SYNJ2: variants seen among roughly 807,000 people sequenced by gnomAD.
SYNJ2 encodes polyphosphatidylinositol phosphatase SYNJ2.
A neutral mutation model predicts 141.3 loss-of-function variants in SYNJ2; 116 were observed. The observed-to-expected ratio is 0.82, with a 90% CI of 0.71 to 0.96. The LOEUF (loss-of-function observed/expected upper bound fraction) is 0.96. SYNJ2 is among the 40% of genes least tolerant of loss of function. SYNJ2 has a pLI of 0.00. For missense variants in SYNJ2, 1,873 were observed against 1,934.8 expected (o/e 0.97, Z 0.60); for synonymous variants, 745 against 777.7 (o/e 0.96, Z 0.70).
In SYNJ2 at chr6:158,083,403, C is replaced by T. The variant is rs367560520; in HGVS notation, c.2866-26C>T. 1.9e-6 allele frequency: 3 copies of T among 1,606,758 alleles called. No homozygotes were observed. The African/African-American group carries it at 4.0e-5, about 22-fold the overall frequency. The stretch of plus-strand genomic sequence containing the variant: ...GGAGGGGTCATGATTTTTATTTATT[C>T]CTGGGTGGCCGCTCTGCCCTCCCAG... On this transcript the variant is annotated intron_variant, in intron 20 of 26. Transcript: ENST00000355585.
At chr6:158,049,621 G>C (rs1196310410) in intron 5 of SYNJ2, among the ~76,000 whole-genome samples, 2 of 152,224 alleles carry the variant, frequency 1.3e-5, no homozygotes, top group Non-Finnish European at 2.9e-5. Context: ...TTAGGGGATG[G>C]AGGGACCCAG....
rs951729369 is a variant in SYNJ2, at chr6:158,076,644, G to A, written c.2311G>A (p.Glu771Lys). 8.1e-6 allele frequency: 13 copies of A among 1,613,232 alleles called. No homozygotes were observed. Among genetic ancestry groups the A allele is most frequent in the Middle Eastern group, 1.6e-4 (1 of 6,080 alleles). The change falls in exon 17 of 27, where the codon GAA becomes AAA. Residue 771 changes from glutamate to lysine, a missense_variant. By Grantham distance (56) the Glu-to-Lys change is moderately conservative. Transcript: ENST00000355585. The stretch of plus-strand genomic sequence containing the variant: ...CCAATAGATTTTTAAGGACTTTCAC[G>A]AAGGAGCCATTAACTTTGGACCCAC... ...SSGKIFKDFHEGAINFGPTYK... is the reference protein window; with the variant it reads ...SSGKIFKDFHKGAINFGPTYK...
In SYNJ2 at chr6:158,083,872, GCCTGGGC is replaced by G. The variant is rs567978447; in HGVS notation, c.3035-124_3035-118del. The G allele has an allele frequency of 3.0e-3, 3,406 of 1,133,476 alleles. 94 individuals carry two copies. In the South Asian group the frequency reaches 0.038, roughly 13 times the overall value. 70.2% of individuals were successfully genotyped at this position (1,133,476 alleles called of 1,614,324 possible). A position where few individuals can be genotyped will look rare whatever the true frequency, so the allele number is the denominator to read the frequency against. ...GAACTGGGGTACCGTCCCTGCTGGC[GCCTGGGC>G]CCTGAGCTGCAGGGCAGGGTGCACG... is the stretch of plus-strand genomic sequence containing the variant. On this transcript the variant is annotated intron_variant, in intron 21 of 26. Transcript: ENST00000355585.
intron 1 of SYNJ2, among the ~76,000 whole-genome samples, chr6:158,012,868 C>A (rs559776838): frequency 6.6e-6 from 1 of 152,208 alleles, no homozygotes; most frequent in African/African-American, 2.4e-5. Flanking sequence ...GTCCTCAAGA[C>A]GAGGGGCTTC....
chr6:158,086,736 C>T, intron 22 of SYNJ2, 119 bp from the exon 23 acceptor site: 1 of 1,018,604 alleles, frequency 9.8e-7, no homozygotes, highest in Non-Finnish European at 1.3e-6. Context: ...CTGGACAGAG[C>T]CTTCAGCTGT....
chr6:157,990,498 A>G (rs1777381914), intron 1 of SYNJ2, among the ~76,000 whole-genome samples: 1 of 151,990 alleles, frequency 6.6e-6, no homozygotes, highest in South Asian at 2.1e-4. Context: ...GGGGCCTTTG[A>G]AGTAGGATGT....
intron 2 of SYNJ2, among the ~76,000 whole-genome samples, chr6:158,022,736 G>A (rs527654872): frequency 6.6e-6 from 1 of 152,268 alleles, no homozygotes; most frequent in African/African-American, 2.4e-5. Context: ...CCTCAGCTGA[G>A]GACTGCCAAG....
At chr6:158,033,358 C>T (rs940262032) in intron 3 of SYNJ2, 97 bp from the exon 4 acceptor site, 18 of 1,333,564 alleles carry the variant, frequency 1.3e-5, no homozygotes, top group African/African-American at 2.9e-5. Context: ...AATGCTGCAC[C>T]GTGCGCCCCC....
At chr6:158,057,173 C>T (rs753336986) in intron 6 of SYNJ2, among the ~76,000 whole-genome samples, 3 of 152,008 alleles carry the variant, frequency 2.0e-5, no homozygotes, top group Admixed American at 1.3e-4. Context: ...CTCAGTATCC[C>T]GAAAAACTCC....
At chr6:158,032,191 C>A (rs925934219) in intron 3 of SYNJ2, among the ~76,000 whole-genome samples, 1 of 151,862 alleles carries the variant, frequency 6.6e-6, no homozygotes, top group Non-Finnish European at 1.5e-5. Flanking sequence ...GGCTGTGCTC[C>A]CTGTGGGGGT....
At chr6:158,037,256 C>T (rs73579674) in intron 4 of SYNJ2, among the ~76,000 whole-genome samples, 7,569 of 151,092 alleles carry the variant, frequency 0.05, 626 homozygotes, top group African/African-American at 0.18. Flanking sequence ...CCCACCTGAC[C>T]GCCCCGGCTC....
At chr6:158,092,183 C>G (rs1783504836) in intron 25 of SYNJ2, among the ~76,000 whole-genome samples, 1 of 151,590 alleles carries the variant, frequency 6.6e-6, no homozygotes, top group Admixed American at 6.6e-5. Flanking sequence ...CGGCTTAACA[C>G]TTTCTTGGTC....
intron 16 of SYNJ2, among the ~76,000 whole-genome samples, chr6:158,075,221 C>T (rs1412478889): frequency 6.6e-6 from 1 of 151,008 alleles, no homozygotes. Context: ...CATGAGCCAC[C>T]ATGCCCGGTC....
intron 8 of SYNJ2, among the ~76,000 whole-genome samples, chr6:158,062,623 A>G (rs1781294045): frequency 6.6e-6 from 1 of 152,140 alleles, no homozygotes; most frequent in Non-Finnish European, 1.5e-5. Flanking sequence ...AGAGCAGAGG[A>G]GAAAAACGAA....
chr6:158,075,642 A>G (rs1348369282), intron 16 of SYNJ2, among the ~76,000 whole-genome samples: 2 of 151,846 alleles, frequency 1.3e-5, no homozygotes, highest in Non-Finnish European at 2.9e-5. Flanking sequence ...TCCGTCTCAA[A>G]AAAAAAAAAA....
intron 5 of SYNJ2, among the ~76,000 whole-genome samples, chr6:158,046,069 A>G (rs1277551024): frequency 6.6e-6 from 1 of 152,122 alleles, no homozygotes; most frequent in African/African-American, 2.4e-5. Flanking sequence ...CAGCCTCACA[A>G]GTAGCTGGGG....
rs1288148309 is a variant in SYNJ2, at chr6:157,991,071, C to T, written c.127+8983C>T. On this transcript the variant is annotated intron_variant, in intron 1 of 26. Coordinates refer to ENST00000355585, the MANE Select transcript of SYNJ2 (RefSeq NM_003898.4). ...TTGCTTTCAGAGAGGGAGCATGTGCCACGCCAGGAGAGGCTTTGGGTGTAT... is the reference window on the plus strand; with the variant it reads ...TTGCTTTCAGAGAGGGAGCATGTGCTACGCCAGGAGAGGCTTTGGGTGTAT... Among the ~76,000 whole-genome samples the T allele has an allele frequency of 2.6e-5, 4 of 152,320 alleles. No individual in the cohort carries two copies. In the East Asian group the frequency reaches 5.8e-4, roughly 22 times the overall value.
At chr6:158,057,917 G>A (rs984264521) in intron 6 of SYNJ2, among the ~76,000 whole-genome samples, 1 of 152,214 alleles carries the variant, frequency 6.6e-6, no homozygotes, top group East Asian at 1.9e-4. Flanking sequence ...ACGTGGAGAC[G>A]GGAGCCCGGG....
At chr6:158,021,162 C>T (rs368232822) in intron 2 of SYNJ2, among the ~76,000 whole-genome samples, 79 of 152,284 alleles carry the variant, frequency 5.2e-4, no homozygotes, top group African/African-American at 1.8e-3. Context: ...GTTTTATAGC[C>T]TCAAGGGACT....
Sources: gnomAD v4.1 joint callset for allele counts (sites outside exome capture counted in the v4.1 genomes callset) on GRCh38, gnomAD v4.1.1 for gene constraint, MANE v1.5 for transcripts, NCBI Gene and HGNC (gene_info 2026-07-23, HGNC 2026-07-21) for gene names.